POU6F2: variants seen among roughly 807,000 people sequenced by gnomAD.
The protein encoded by POU6F2 is POU domain, class 6, transcription factor 2.
Under a neutral mutation model 71.3 loss-of-function variants are expected in POU6F2, and 31 were observed. The observed-to-expected ratio is 0.43, with a 90% CI of 0.33 to 0.59. The LOEUF (loss-of-function observed/expected upper bound fraction) is 0.59, where lower values mean the gene tolerates loss of function less well. Ranked by LOEUF, POU6F2 falls within the 20% of genes least tolerant of loss-of-function variation. The pLI is 0.04. For missense variants in POU6F2, 783 were observed against 856.8 expected (o/e 0.91, Z 1.07); for synonymous variants, 347 against 355.7 (o/e 0.98, Z 0.27).
At chr7:39,108,100 A>G (rs73363829) in intron 2 of POU6F2, among the ~76,000 whole-genome samples, 2,633 of 152,220 alleles carry the variant, frequency 0.017, 68 homozygotes, top group African/African-American at 0.06. Flanking sequence ...CTGGACATTA[A>G]ACTGTTATTT....
intron 1 of POU6F2, among the ~76,000 whole-genome samples, chr7:39,019,399 T>C (rs1288517646): frequency 3.3e-5 from 5 of 152,166 alleles, no homozygotes; most frequent in Non-Finnish European, 7.4e-5. Flanking sequence ...TCCGAAATTT[T>C]ATAAGAATGT....
intron 4 of POU6F2, among the ~76,000 whole-genome samples, chr7:39,212,313 G>A (rs551779968): frequency 6.6e-6 from 1 of 152,134 alleles, no homozygotes; most frequent in Non-Finnish European, 1.5e-5. Flanking sequence ...AAGCCAGTAG[G>A]GCCTCTTATG....
Position 39,113,517 on chromosome 7 carries a change from T to C in POU6F2, c.277+27486T>C, listed in dbSNP as rs764579994. Reference sequence around the variant, plus strand: ...TTAGAACATTCTCCCTCAAGTTACATAGACGAAACAGGAGCTAAAACAAAC... The same window carrying C: ...TTAGAACATTCTCCCTCAAGTTACACAGACGAAACAGGAGCTAAAACAAAC... On this transcript the variant is annotated intron_variant, in intron 2 of 9. Coordinates refer to ENST00000518318, the MANE Select transcript of POU6F2 (RefSeq NM_001370959.1). 1.6e-4 allele frequency among the ~76,000 whole-genome samples: 25 copies of C among 152,136 alleles called. 1 individual carries two copies. Among genetic ancestry groups the C allele is most frequent in the Admixed American group, 1.4e-3 (21 of 15,266 alleles).
chr7:39,024,675 A>G (rs140553902), intron 1 of POU6F2, among the ~76,000 whole-genome samples: 3,259 of 152,152 alleles, frequency 0.021, 121 homozygotes, highest in African/African-American at 0.075. Context: ...TTTGATATAC[A>G]TCCCATCAAT....
intron 5 of POU6F2, among the ~76,000 whole-genome samples, chr7:39,399,260 AG>A (rs2115865095): frequency 6.6e-6 from 1 of 152,164 alleles, no homozygotes; most frequent in Admixed American, 6.5e-5. Flanking sequence ...ACTCCCTATG[AG>A]GGTGGAGAAC....
chr7:39,366,093 G>A (rs182951588), intron 5 of POU6F2, among the ~76,000 whole-genome samples: 1 of 152,272 alleles, frequency 6.6e-6, no homozygotes, highest in East Asian at 1.9e-4. Flanking sequence ...ATTCCAGTGG[G>A]GTTAAAGAAT....
intron 2 of POU6F2, among the ~76,000 whole-genome samples, chr7:39,149,273 G>A (rs1436358380): frequency 6.6e-6 from 1 of 152,204 alleles, no homozygotes; most frequent in East Asian, 1.9e-4. Flanking sequence ...AGCTTATGCA[G>A]AGGTTCAGTC....
chr7:39,463,037 T>C (rs1294899674), intron 9 of POU6F2, among the ~76,000 whole-genome samples: 1 of 152,212 alleles, frequency 6.6e-6, no homozygotes, highest in Non-Finnish European at 1.5e-5. Flanking sequence ...AAATACACTC[T>C]GTAGTCAGAA....
At chr7:39,338,628 G>A (rs1029426269) in intron 4 of POU6F2, among the ~76,000 whole-genome samples, 5 of 152,174 alleles carry the variant, frequency 3.3e-5, no homozygotes, top group Non-Finnish European at 7.4e-5. Flanking sequence ...TAAGGCCTGT[G>A]GGTTTGACAT....
chr7:39,321,892 T>G (rs73121825), intron 4 of POU6F2, among the ~76,000 whole-genome samples: 69,789 of 151,080 alleles, frequency 0.46, 16,699 homozygotes, highest in East Asian at 0.63. Context: ...TATATATATA[T>G]AGAGAGAGAG....
At chr7:39,148,725 A>G (rs546936082) in intron 2 of POU6F2, among the ~76,000 whole-genome samples, 1 of 152,336 alleles carries the variant, frequency 6.6e-6, no homozygotes, top group South Asian at 2.1e-4. Context: ...AAGAGAAACA[A>G]TGAAAGAGGT....
intron 2 of POU6F2, among the ~76,000 whole-genome samples, chr7:39,104,325 G>A (rs1791632344): frequency 6.6e-6 from 1 of 152,224 alleles, no homozygotes. Context: ...GCCTGGTAGA[G>A]ATAGTGCATT....
intron 6 of POU6F2, among the ~76,000 whole-genome samples, chr7:39,416,894 T>C (rs1158457804): frequency 1.3e-5 from 2 of 152,222 alleles, no homozygotes; most frequent in Non-Finnish European, 2.9e-5. Context: ...ATTTATATCC[T>C]GAACCAATTC....
intron 4 of POU6F2, among the ~76,000 whole-genome samples, chr7:39,317,982 C>T (rs1785306214): frequency 6.6e-6 from 1 of 152,136 alleles, no homozygotes; most frequent in African/African-American, 2.4e-5. Flanking sequence ...CTTCATTTTC[C>T]CTTTCTTCGC....
At chr7:38,989,400 A>T (rs963061503) in intron 1 of POU6F2, among the ~76,000 whole-genome samples, 1 of 151,942 alleles carries the variant, frequency 6.6e-6, no homozygotes, top group Non-Finnish European at 1.5e-5. Context: ...TAAAATTATC[A>T]CCTTTAGTAA....
intron 2 of POU6F2, among the ~76,000 whole-genome samples, chr7:39,156,869 G>A (rs1027675885): frequency 5.9e-5 from 9 of 152,154 alleles, no homozygotes; most frequent in African/African-American, 2.2e-4. Context: ...CACCACATAC[G>A]TGCACAAACC....
Position 39,122,442 on chromosome 7 carries a change from C to T in POU6F2, c.277+36411C>T, listed in dbSNP as rs372418323. ...CTGAATGGGCATGTTCATAGGCCAC[C>T]GGTGCCAAGTAGTGTGTAAAGTATT... On this transcript the variant is annotated intron_variant, in intron 2 of 9. Coordinates refer to ENST00000518318, the MANE Select transcript of POU6F2 (RefSeq NM_001370959.1). 4.0e-4 allele frequency among the ~76,000 whole-genome samples: 61 copies of T among 152,274 alleles called. No individual in the cohort carries two copies. In the South Asian group the frequency reaches 0.01, roughly 26 times the overall value.
chr7:39,077,744 G>A (rs557930136), intron 1 of POU6F2, among the ~76,000 whole-genome samples: 9 of 152,268 alleles, frequency 5.9e-5, no homozygotes, highest in African/African-American at 2.2e-4. Context: ...TATATTTGCT[G>A]TATTATTTTT....
At chr7:39,275,404 A>T (rs1031588291) in intron 4 of POU6F2, among the ~76,000 whole-genome samples, 1 of 152,214 alleles carries the variant, frequency 6.6e-6, no homozygotes, top group African/African-American at 2.4e-5. Context: ...ATAAAAGAGG[A>T]TACAAACAAA....
Sources: allele counts gnomAD v4.1 joint callset (sites outside exome capture counted in the v4.1 genomes callset), GRCh38; gene constraint gnomAD v4.1.1; transcripts MANE v1.5; gene names NCBI Gene and HGNC (gene_info 2026-07-23, HGNC 2026-07-21).